LSM3: variants seen among roughly 807,000 people sequenced by gnomAD.
The protein encoded by LSM3 is U6 snRNA-associated Sm-like protein LSm3.
A neutral mutation model predicts 15.4 loss-of-function variants in LSM3; 14 were observed. The ratio of observed to expected loss-of-function variants is 0.91; its 90% CI spans 0.60 to 1.42. The LOEUF is 1.42. LSM3 is among the 40% of genes most tolerant of loss of function. The pLI is 0.00. For synonymous variants in LSM3, 46 were observed against 45.1 expected (o/e 1.02, Z -0.08); for missense variants, 88 against 127.9 (o/e 0.69, Z 1.50).
intron 3 of LSM3, among the ~76,000 whole-genome samples, chr3:14,185,516 G>A (rs1271027145): frequency 1.3e-5 from 2 of 152,292 alleles, no homozygotes; most frequent in African/African-American, 4.8e-5. Context: ...ACAGCTAGAA[G>A]ATTCTCATAT....
chr3:14,186,835 G>C (rs866405185), intron 3 of LSM3, among the ~76,000 whole-genome samples: 1 of 152,178 alleles, frequency 6.6e-6, no homozygotes, highest in African/African-American at 2.4e-5. Flanking sequence ...GATAAAAAAA[G>C]AATTGTGTCA....
At chr3:14,189,441 T>C (rs1011221372) in intron 3 of LSM3, among the ~76,000 whole-genome samples, 3 of 152,234 alleles carry the variant, frequency 2.0e-5, no homozygotes, top group African/African-American at 7.2e-5. Context: ...CATTTCAGTT[T>C]TTCCACAACC....
chr3:14,184,384 G>A (rs997181965), intron 3 of LSM3, among the ~76,000 whole-genome samples: 3 of 152,150 alleles, frequency 2.0e-5, no homozygotes, highest in Admixed American at 6.5e-5. Flanking sequence ...GTGTTCTTTC[G>A]TTTTCTGTGG....
Position 14,187,488 on chromosome 3 carries a change from T to A in LSM3, c.228+3456T>A, listed in dbSNP as rs73142675. Among the ~76,000 whole-genome samples, 1,424 of 152,316 alleles carry A rather than the reference T, an allele frequency of 9.3e-3. 23 individuals are homozygous for A. The highest frequency in any genetic ancestry group is 0.032 in the African/African-American group (1,332 of 41,566). ...AATACTTTAGTGTGTAAATGTGTAT[T>A]AACTATAGACATAGAAAGCAAAGAC... On this transcript the variant is annotated intron_variant, in intron 3 of 3. Transcript: ENST00000306024.
At chr3:14,189,535 G>A (rs1239529125) in intron 3 of LSM3, among the ~76,000 whole-genome samples, 1 of 152,118 alleles carries the variant, frequency 6.6e-6, no homozygotes, top group African/African-American at 2.4e-5. Flanking sequence ...GCTTTGATTT[G>A]CATTTCTCTA....
Position 14,198,150 on chromosome 3 carries a change from A to C in LSM3, c.*34A>C, listed in dbSNP as rs1559393976. Reference sequence around the variant, plus strand: ...ATTTGTCCTGTATGGAAAACGGGAGACTTTGTACAGTGGCCTCTCTAAAAG... The same window carrying C: ...ATTTGTCCTGTATGGAAAACGGGAGCCTTTGTACAGTGGCCTCTCTAAAAG... On this transcript the variant is annotated 3_prime_UTR_variant, in exon 4 of 4. Transcript: ENST00000306024. The C allele has an allele frequency of 6.6e-7, 1 of 1,516,406 alleles. No homozygotes were observed. Among genetic ancestry groups the C allele is most frequent in the African/African-American group, 1.4e-5 (1 of 73,048 alleles). The allele number at this position is 1,516,406 out of a possible 1,614,324, so 93.9% of individuals were successfully genotyped here.
intron 3 of LSM3, among the ~76,000 whole-genome samples, chr3:14,185,627 G>A (rs927303695): frequency 2.0e-5 from 3 of 152,190 alleles, no homozygotes; most frequent in Admixed American, 1.3e-4. Context: ...TTTTGTGAAT[G>A]TTCTACCTTT....
chr3:14,178,919 T>C (rs369834075), intron 1 of LSM3, 38 bp downstream of exon 1: 220 of 1,612,256 alleles, frequency 1.4e-4, no homozygotes, highest in Non-Finnish European at 1.8e-4. Flanking sequence ...AAGGAGCTTC[T>C]TGTACTAGGC....
Position 14,198,142 on chromosome 3 carries a change from A to G in LSM3, c.*26A>G. The G allele has an allele frequency of 2.5e-6, 4 of 1,573,440 alleles. No individual in the cohort carries two copies. Among genetic ancestry groups the G allele is most frequent in the Non-Finnish European group, 3.5e-6 (4 of 1,144,204 alleles). ...AACAAAGAATTTGTCCTGTATGGAA[A>G]ACGGGAGACTTTGTACAGTGGCCTC... On this transcript the variant is annotated 3_prime_UTR_variant, in exon 4 of 4. Coordinates refer to ENST00000306024, the MANE Select transcript of LSM3 (RefSeq NM_014463.3).
At chr3:14,197,819 A>C (rs983269297) in intron 3 of LSM3, among the ~76,000 whole-genome samples, 1 of 152,172 alleles carries the variant, frequency 6.6e-6, no homozygotes, top group African/African-American at 2.4e-5. Context: ...GCCCAGGAGG[A>C]GAAGAGTGAG....
At chr3:14,195,981 C>T (rs1697183795) in intron 3 of LSM3, among the ~76,000 whole-genome samples, 1 of 145,538 alleles carries the variant, frequency 6.9e-6, no homozygotes, top group Admixed American at 7.0e-5. Flanking sequence ...GAGACGGAGT[C>T]TCACTCTGTC....
At chr3:14,186,378 G>A (rs972101954) in intron 3 of LSM3, among the ~76,000 whole-genome samples, 1 of 152,214 alleles carries the variant, frequency 6.6e-6, no homozygotes, top group African/African-American at 2.4e-5. Context: ...TAAAATGGGA[G>A]TAATGATAGG....
intron 3 of LSM3, 98 bp from the exon 4 acceptor site, chr3:14,197,938 T>C: frequency 2.0e-6 from 2 of 1,016,998 alleles, no homozygotes; most frequent in South Asian, 2.8e-5. Flanking sequence ...TCCAATTTTT[T>C]TGTGTCATGA....
intron 3 of LSM3, among the ~76,000 whole-genome samples, chr3:14,188,472 A>C (rs1697110614): frequency 6.6e-6 from 1 of 152,226 alleles, no homozygotes; most frequent in African/African-American, 2.4e-5. Flanking sequence ...AAAATGCAGA[A>C]AGGAACACAG....
intron 3 of LSM3, among the ~76,000 whole-genome samples, chr3:14,187,302 G>A (rs1697098235): frequency 1.3e-5 from 2 of 152,234 alleles, no homozygotes; most frequent in South Asian, 4.1e-4. Context: ...ACTGGGGCTG[G>A]TTAGCTCCTG....
In LSM3 at chr3:14,198,415, G is replaced by T; in HGVS notation, c.*299G>T. 5.8e-6 allele frequency: 2 copies of T among 347,002 alleles called. No individual in the cohort carries two copies. Among genetic ancestry groups the T allele is most frequent in the African/African-American group, 2.1e-5 (1 of 47,180 alleles). 21.5% of individuals were successfully genotyped at this position (347,002 alleles called of 1,614,324 possible). A position where few individuals can be genotyped will look rare whatever the true frequency, so the allele number is the denominator to read the frequency against. ...TACTGATTTTTCTTTTCTTTAAATTGGTGTTTCCTTGTAGATTTTTTTAAG... is the reference window on the plus strand; with the variant it reads ...TACTGATTTTTCTTTTCTTTAAATTTGTGTTTCCTTGTAGATTTTTTTAAG... On this transcript the variant is annotated 3_prime_UTR_variant, in exon 4 of 4. Transcript: ENST00000306024.
At chr3:14,194,549 C>T (rs1308658931) in intron 3 of LSM3, among the ~76,000 whole-genome samples, 1 of 152,120 alleles carries the variant, frequency 6.6e-6, no homozygotes, top group African/African-American at 2.4e-5. Flanking sequence ...TAATACCTGA[C>T]ACATAATGGG....
intron 3 of LSM3, among the ~76,000 whole-genome samples, chr3:14,194,116 G>GT (rs1449445148): frequency 6.6e-6 from 1 of 152,220 alleles, no homozygotes; most frequent in Non-Finnish European, 1.5e-5. Context: ...ATTGCTGCCT[G>GT]TTTTTTCCTC....
At position 14,181,660 on chromosome 3, in the gene LSM3, G is replaced by A; in HGVS notation, c.122G>A (p.Gly41Asp). Residue 41 changes from glycine (G) to aspartate (D), a missense_variant, in exon 2 of 4, where the codon GGC becomes GAC. Coordinates refer to ENST00000306024, the MANE Select transcript of LSM3 (RefSeq NM_014463.3). ...VKMRNDRELR[G>D]RLHAYDQHLN... The stretch of plus-strand genomic sequence containing the variant: ...ATGAGAAATGACCGAGAGCTTCGAG[G>A]CAGATTACATGTAAGTAAATTTATC... The A allele has an allele frequency of 6.2e-7, 1 of 1,610,926 alleles. No individual in the cohort carries two copies. Among genetic ancestry groups the A allele is most frequent in the Non-Finnish European group, 8.5e-7 (1 of 1,177,128 alleles).
Sources: gnomAD v4.1 joint callset for allele counts (sites outside exome capture counted in the v4.1 genomes callset) on GRCh38, gnomAD v4.1.1 for gene constraint, MANE v1.5 for transcripts, NCBI Gene and HGNC (gene_info 2026-07-23, HGNC 2026-07-21) for gene names.